The following HTR7 variants were observed in gnomAD, a reference collection of about 807,000 sequenced individuals.
HTR7 encodes the protein 5-HT-7.
In HTR7, 16 loss-of-function variants were observed where a neutral mutation model predicts 34.0. The ratio of observed to expected loss-of-function variants is 0.47; its 90% CI spans 0.32 to 0.71. The LOEUF (loss-of-function observed/expected upper bound fraction) is 0.71, where lower values mean the gene tolerates loss of function less well. Ranked by LOEUF, HTR7 falls within the 30% of genes least tolerant of loss-of-function variation. HTR7 has a pLI of 0.04. For synonymous variants in HTR7, 265 were observed against 260.2 expected (o/e 1.02, Z -0.18); for missense variants, 504 against 625.5 (o/e 0.81, Z 2.07).
Position 90,749,168 on chromosome 10 carries a change from T to G in HTR7, c.966A>C (p.Glu322Asp). The change falls in exon 2 of 4, where the codon GAA becomes GAC. Residue 322 changes from glutamate (E) to aspartate (D), a missense_variant. This residue lies in a region of HTR7 where 154 missense variants were observed against 212.1 expected (regional missense o/e 0.73). Transcript: ENST00000336152. The surrounding 1 kb of genome is among the most constrained non-coding windows in gnomAD (Gnocchi z 4.2). The stretch of plus-strand genomic sequence containing the variant: ...TCCCCAGGGTGGTGGCTGCTTTCTG[T>G]TCTCGCTTAAAGATGGAGATGTTTT... The part of the protein sequence containing the change: ...ERKNISIFKR[E>D]QKAATTLGII... 1 of 1,614,126 alleles carries G rather than the reference T, an allele frequency of 6.2e-7. No individual in the cohort carries two copies. Among genetic ancestry groups the G allele is most frequent in the Non-Finnish European group, 8.5e-7 (1 of 1,180,014 alleles).
chr10:90,842,497 C>A (rs566136133), intron 1 of HTR7, among the ~76,000 whole-genome samples: 1 of 152,252 alleles, frequency 6.6e-6, no homozygotes, highest in Admixed American at 6.5e-5. Context: ...TATCAGCCTC[C>A]CTGTCCTCAT....
At chr10:90,841,956 T>C (rs940076678) in intron 1 of HTR7, among the ~76,000 whole-genome samples, 13 of 152,132 alleles carry the variant, frequency 8.5e-5, no homozygotes, top group African/African-American at 3.1e-4. Context: ...GCCGAGATCA[T>C]GCCACTTCAC....
chr10:90,838,735 C>T (rs754181910), intron 1 of HTR7, among the ~76,000 whole-genome samples: 16 of 152,188 alleles, frequency 1.1e-4, no homozygotes, highest in Admixed American at 7.9e-4. Context: ...CAGCTGCTGC[C>T]TTTGCCTAGA....
intron 1 of HTR7, among the ~76,000 whole-genome samples, chr10:90,845,464 CT>C (rs1236902256): frequency 5.3e-5 from 8 of 152,170 alleles, no homozygotes; most frequent in Non-Finnish European, 1.2e-4. Flanking sequence ...GCTTCCTCAC[CT>C]ATAGCATGGC....
chr10:90,850,680 A>G (rs1461951844), intron 1 of HTR7, among the ~76,000 whole-genome samples: 1 of 152,242 alleles, frequency 6.6e-6, no homozygotes, highest in Non-Finnish European at 1.5e-5. Flanking sequence ...CACCAAAAAA[A>G]TCAGAATCAG....
At chr10:90,776,504 G>A (rs927453138) in intron 1 of HTR7, among the ~76,000 whole-genome samples, 6 of 152,098 alleles carry the variant, frequency 3.9e-5, no homozygotes, top group Admixed American at 6.6e-5. Context: ...GACAAGATGC[G>A]AAGCTTCTAA....
At chr10:90,770,226 AGGGAG>A (rs141632942) in intron 1 of HTR7, among the ~76,000 whole-genome samples, 5,782 of 152,258 alleles carry the variant, frequency 0.038, 189 homozygotes, top group African/African-American at 0.082. Context: ...ATGGAGCTGG[AGGGAG>A]CCAGGGATAA....
chr10:90,822,007 G>A lies in HTR7; in HGVS notation c.539+35126C>T, dbSNP rs537992882. On this transcript the variant is annotated intron_variant, in intron 1 of 3. Coordinates refer to ENST00000336152, the MANE Select transcript of HTR7 (RefSeq NM_019859.4). Reference sequence around the variant, plus strand: ...AAACCTCTTTTCTGCATAAATTACCGAGTCTCAGGTAGTTCTTTATAGCAG... The same window carrying A: ...AAACCTCTTTTCTGCATAAATTACCAAGTCTCAGGTAGTTCTTTATAGCAG... Among the ~76,000 whole-genome samples, 409 of 152,232 alleles carry A rather than the reference G, an allele frequency of 2.7e-3. 1 individual carries two copies. Among genetic ancestry groups the A allele is most frequent in the African/African-American group, 9.0e-3 (374 of 41,542 alleles).
intron 1 of HTR7, among the ~76,000 whole-genome samples, chr10:90,805,904 G>A (rs554352567): frequency 1.3e-5 from 2 of 152,298 alleles, no homozygotes; most frequent in South Asian, 4.1e-4. Context: ...TCTTTGATAA[G>A]TAAAACTAGT....
At chr10:90,826,638 T>C (rs114952271) in intron 1 of HTR7, among the ~76,000 whole-genome samples, 11,637 of 152,238 alleles carry the variant, frequency 0.076, 482 homozygotes, top group Non-Finnish European at 0.095. Context: ...ATTGCTTGTT[T>C]ATGCAATCAG....
chr10:90,747,888 T>C (rs1844664998), intron 2 of HTR7, among the ~76,000 whole-genome samples: 1 of 152,220 alleles, frequency 6.6e-6, no homozygotes, highest in South Asian at 2.1e-4. Flanking sequence ...ACCTCACATT[T>C]AAAACAAAGT....
chr10:90,792,611 C>T lies in HTR7; in HGVS notation c.540-43017G>A, dbSNP rs554327553. On this transcript the variant is annotated intron_variant, in intron 1 of 3. Transcript: ENST00000336152. ...CTTGACTTACCATTTTTCAACTTTA[C>T]CATTCGGTATGCTCCTCAACTTACA... Among the ~76,000 whole-genome samples, 4 of 152,066 alleles carry T rather than the reference C, an allele frequency of 2.6e-5. No homozygotes were observed. In the South Asian group the frequency reaches 8.3e-4, roughly 32 times the overall value.
At chr10:90,799,911 C>T (rs916580888) in intron 1 of HTR7, among the ~76,000 whole-genome samples, 2 of 152,072 alleles carry the variant, frequency 1.3e-5, no homozygotes, top group South Asian at 4.1e-4. Context: ...AAAAATACCT[C>T]CAAATCATAT....
chr10:90,788,505 G>T (rs990694228), intron 1 of HTR7, among the ~76,000 whole-genome samples: 1 of 152,114 alleles, frequency 6.6e-6, no homozygotes, highest in Non-Finnish European at 1.5e-5. Flanking sequence ...CCAAGAATTA[G>T]AATGGATCCA....
chr10:90,812,913 T>A (rs534629588), intron 1 of HTR7, among the ~76,000 whole-genome samples: 2 of 152,186 alleles, frequency 1.3e-5, no homozygotes, highest in Non-Finnish European at 2.9e-5. Flanking sequence ...GAAGTGAATA[T>A]GCCCTGCCCC....
chr10:90,830,503 C>T (rs1484941237), intron 1 of HTR7, among the ~76,000 whole-genome samples: 1 of 152,114 alleles, frequency 6.6e-6, no homozygotes, highest in Non-Finnish European at 1.5e-5. Flanking sequence ...AAAGATTTGG[C>T]CAGCCAGGCG....
At chr10:90,839,454 C>T (rs1164691266) in intron 1 of HTR7, among the ~76,000 whole-genome samples, 1 of 151,818 alleles carries the variant, frequency 6.6e-6, no homozygotes, top group Non-Finnish European at 1.5e-5. Context: ...GAAAAAAAAA[C>T]CATTTAAAAG....
At chr10:90,758,862 T>C (rs986406428) in intron 1 of HTR7, among the ~76,000 whole-genome samples, 2 of 152,050 alleles carry the variant, frequency 1.3e-5, no homozygotes, top group Non-Finnish European at 2.9e-5. Context: ...CAAAATATAA[T>C]AGAAAATGTC....
chr10:90,853,465 C>CTT (rs201331383), intron 1 of HTR7, among the ~76,000 whole-genome samples: 2 of 143,960 alleles, frequency 1.4e-5, no homozygotes, highest in Admixed American at 6.9e-5. Flanking sequence ...TGTTTCTTTT[C>CTT]TTTTCTTTTT....
Sources: gnomAD v4.1 joint callset for allele counts (sites outside exome capture counted in the v4.1 genomes callset) on GRCh38, gnomAD v4.1.1 for gene constraint, gnomAD v4.1.1 regional missense constraint, Gnocchi (gnomAD v3.1) non-coding constraint, MANE v1.5 for transcripts, NCBI Gene and HGNC (gene_info 2026-07-23, HGNC 2026-07-21) for gene names.